The following CDK15 variants were observed in gnomAD, a reference collection of about 807,000 sequenced individuals.
CDK15 encodes the protein cyclin-dependent kinase 15.
In CDK15, 62 loss-of-function variants were observed where a neutral mutation model predicts 60.3. That is an observed-to-expected ratio of 1.03 (90% CI 0.84 to 1.27). The LOEUF (loss-of-function observed/expected upper bound fraction) is 1.27. Among genes scored for constraint, CDK15 ranks in the 50% most tolerant of loss-of-function variants. The probability of loss-of-function intolerance (pLI) is 0.00; values close to 1 mark genes in which losing one functional copy is unlikely to be tolerated. For synonymous variants in CDK15, 194 were observed against 195.7 expected (o/e 0.99, Z 0.07); for missense variants, 541 against 527.8 (o/e 1.03, Z -0.25).
intron 8 of CDK15, among the ~76,000 whole-genome samples, chr2:201,839,065 A>G (rs1311586144): frequency 2.0e-5 from 3 of 152,012 alleles, no homozygotes; most frequent in Non-Finnish European, 4.4e-5. Context: ...CTCAGCCATG[A>G]TGTTATATTG....
At chr2:201,876,909 C>G (rs1200224180) in intron 11 of CDK15, among the ~76,000 whole-genome samples, 1 of 152,056 alleles carries the variant, frequency 6.6e-6, no homozygotes, top group African/African-American at 2.4e-5. Flanking sequence ...GTGATTCTCC[C>G]GCCTCAGCCC....
rs1476953919 is a variant in CDK15, at chr2:201,894,227, C to T, written c.*960C>T. The stretch of plus-strand genomic sequence containing the variant: ...AATCGCTTCTGTCCAGGGATCATCT[C>T]AGGAAATGTAGCAGCCTAGAAACCA... On this transcript the variant is annotated 3_prime_UTR_variant, in exon 14 of 14. Coordinates refer to ENST00000652192, the MANE Select transcript of CDK15 (RefSeq NM_001366386.2). The T allele has an allele frequency of 1.3e-5, 2 of 152,196 alleles. No individual in the cohort carries two copies. The highest frequency in any genetic ancestry group is 2.9e-5 in the Non-Finnish European group (2 of 68,114). The allele number at this position is 152,196 out of a possible 1,614,324, so 9.4% of individuals were successfully genotyped here.
intron 10 of CDK15, among the ~76,000 whole-genome samples, chr2:201,871,681 T>C (rs1698855829): frequency 6.6e-6 from 1 of 152,154 alleles, no homozygotes; most frequent in Non-Finnish European, 1.5e-5. Context: ...CTGTATTAGT[T>C]TGCTGGAGTT....
chr2:201,892,520 T>C (rs1001249786), intron 13 of CDK15, among the ~76,000 whole-genome samples: 1 of 152,336 alleles, frequency 6.6e-6, no homozygotes, highest in East Asian at 1.9e-4. Flanking sequence ...AGAAAATCAA[T>C]TAAATGCAGC....
chr2:201,833,768 A>C (rs1696874015), intron 6 of CDK15, 80 bp from the exon 7 acceptor site: 12 of 1,303,544 alleles, frequency 9.2e-6, no homozygotes, highest in Non-Finnish European at 1.2e-5. Flanking sequence ...ATATTCTTTG[A>C]GATGACTGTT....
At chr2:201,886,805 T>TA (rs924613552) in intron 12 of CDK15, among the ~76,000 whole-genome samples, 11 of 152,208 alleles carry the variant, frequency 7.2e-5, no homozygotes, top group Non-Finnish European at 1.2e-4. Context: ...TACTAGGGAT[T>TA]AAAAAAATAC....
intron 6 of CDK15, 37 bp downstream of exon 6, chr2:201,823,764 G>A: frequency 6.3e-7 from 1 of 1,575,586 alleles, no homozygotes; most frequent in East Asian, 2.2e-5. Flanking sequence ...CTCCTGGCTT[G>A]CCCACAGAAG....
intron 11 of CDK15, among the ~76,000 whole-genome samples, chr2:201,876,182 C>T (rs1387761938): frequency 2.0e-5 from 3 of 151,988 alleles, no homozygotes; most frequent in African/African-American, 7.3e-5. Context: ...GATAATTGTT[C>T]CAGCGGGAGT....
At chr2:201,823,115 C>T (rs1163962977) in intron 5 of CDK15, among the ~76,000 whole-genome samples, 1 of 152,162 alleles carries the variant, frequency 6.6e-6, no homozygotes, top group East Asian at 1.9e-4. Context: ...CCCTTTTCCC[C>T]TCATCAGCAA....
At chr2:201,859,775 T>C (rs1260915001) in intron 10 of CDK15, among the ~76,000 whole-genome samples, 1 of 152,242 alleles carries the variant, frequency 6.6e-6, no homozygotes, top group African/African-American at 2.4e-5. Flanking sequence ...TTTTTAATAA[T>C]ATTTTCTGAT....
rs1024397198 is a variant in CDK15, at chr2:201,835,924, T to C, written c.851+161T>C. 2.7e-3 allele frequency among the ~76,000 whole-genome samples: 375 copies of C among 139,346 alleles called. 1 individual carries two copies. Among genetic ancestry groups the C allele is most frequent in the Non-Finnish European group, 4.5e-3 (292 of 65,550 alleles). 91.4% of individuals were successfully genotyped at this position (139,346 alleles called of 152,430 possible). Reference sequence around the variant, plus strand: ...ATATATATTTATATAGTTATATATTTATATTTTATATATTTATATATTTAT... The same window carrying C: ...ATATATATTTATATAGTTATATATTCATATTTTATATATTTATATATTTAT... On this transcript the variant is annotated intron_variant, in intron 8 of 13. Transcript: ENST00000652192.
intron 10 of CDK15, among the ~76,000 whole-genome samples, chr2:201,867,367 G>A (rs936332548): frequency 6.6e-6 from 1 of 152,162 alleles, no homozygotes; most frequent in Non-Finnish European, 1.5e-5. Context: ...GCTCATGCCT[G>A]TAATCCTAAC....
chr2:201,877,994 C>T (rs1699142939), intron 11 of CDK15, among the ~76,000 whole-genome samples: 2 of 152,190 alleles, frequency 1.3e-5, no homozygotes, highest in African/African-American at 4.8e-5. Flanking sequence ...AATATCTGAT[C>T]TTTCTTGCTT....
At chr2:201,816,258 C>G (rs907687627) in intron 4 of CDK15, among the ~76,000 whole-genome samples, 1 of 151,960 alleles carries the variant, frequency 6.6e-6, no homozygotes, top group African/African-American at 2.4e-5. Context: ...CAACCCGTGT[C>G]CCTCTCCCTT....
chr2:201,873,515 A>G (rs1574929476), intron 11 of CDK15, among the ~76,000 whole-genome samples: 1 of 152,178 alleles, frequency 6.6e-6, no homozygotes, highest in Non-Finnish European at 1.5e-5. Flanking sequence ...AACCATCTTA[A>G]TACTCCATGC....
chr2:201,875,418 T>A (rs528045442), intron 11 of CDK15, among the ~76,000 whole-genome samples: 1 of 152,168 alleles, frequency 6.6e-6, no homozygotes. Context: ...TACTTTAACA[T>A]GTTGTATATA....
intron 10 of CDK15, among the ~76,000 whole-genome samples, chr2:201,866,523 T>C (rs574422196): frequency 3.3e-5 from 5 of 152,340 alleles, no homozygotes; most frequent in Admixed American, 6.5e-5. Flanking sequence ...ACTTTGCTTT[T>C]CCTGCCTCGA....
chr2:201,814,683 G>A (rs1285586644), intron 4 of CDK15, among the ~76,000 whole-genome samples: 1 of 152,128 alleles, frequency 6.6e-6, no homozygotes, highest in Non-Finnish European at 1.5e-5. Context: ...GCAACCGAAA[G>A]GCACGTGCAG....
At chr2:201,848,065 T>A (rs1016905099) in intron 9 of CDK15, among the ~76,000 whole-genome samples, 3 of 152,130 alleles carry the variant, frequency 2.0e-5, no homozygotes, top group African/African-American at 7.2e-5. Flanking sequence ...AAGTCGAGGC[T>A]GCTGTTAGCT....
Sources: allele counts gnomAD v4.1 joint callset (sites outside exome capture counted in the v4.1 genomes callset), GRCh38; gene constraint gnomAD v4.1.1; transcripts MANE v1.5; gene names NCBI Gene and HGNC (gene_info 2026-07-23, HGNC 2026-07-21).